Variants in ADAM22 observed in about 807,000 individuals in gnomAD.
ADAM22 encodes disintegrin and metalloproteinase domain-containing protein 22.
In ADAM22, 65 loss-of-function variants were observed where a neutral mutation model predicts 144.6. The observed-to-expected ratio is 0.45, with a 90% CI of 0.37 to 0.55. The LOEUF is 0.55. ADAM22 is among the 20% of genes least tolerant of loss of function. The probability of loss-of-function intolerance (pLI) is 0.00; values close to 1 mark genes in which losing one functional copy is unlikely to be tolerated. For synonymous variants in ADAM22, 391 were observed against 412.6 expected, an observed-to-expected ratio of 0.95 and a Z score of 0.63; for missense variants, 974 against 1,184.9, an observed-to-expected ratio of 0.82 and a Z score of 2.61.
At chr7:88,031,762 A>G (rs1413702648) in intron 3 of ADAM22, among the ~76,000 whole-genome samples, 1 of 152,194 alleles carries the variant, frequency 6.6e-6, no homozygotes, top group Non-Finnish European at 1.5e-5. Flanking sequence ...GAAGGGAAGA[A>G]TGATTTTATG....
chr7:87,943,158 A>G (rs1295767389), intron 2 of ADAM22, among the ~76,000 whole-genome samples: 1 of 148,904 alleles, frequency 6.7e-6, no homozygotes. Flanking sequence ...AATATATAAT[A>G]TATACAAAAT....
chr7:87,980,093 A>G (rs1852943890), intron 3 of ADAM22, among the ~76,000 whole-genome samples: 1 of 152,182 alleles, frequency 6.6e-6, no homozygotes, highest in Admixed American at 6.5e-5. Flanking sequence ...GGAGACACAC[A>G]TATGGTCATA....
chr7:88,148,813 TTAAAA>T (rs1837377298), intron 17 of ADAM22, among the ~76,000 whole-genome samples, 159 bp from the exon 18 acceptor site: 1 of 152,234 alleles, frequency 6.6e-6, no homozygotes, highest in South Asian at 2.1e-4. Context: ...CTTAAAACTA[TTAAAA>T]TAAAATTTTT....
intron 4 of ADAM22, among the ~76,000 whole-genome samples, chr7:88,091,163 G>A (rs1819738085): frequency 6.6e-6 from 1 of 151,996 alleles, no homozygotes; most frequent in Non-Finnish European, 1.5e-5. Flanking sequence ...TCAGTCTTAG[G>A]GGCAAATAAC....
At chr7:87,958,107 A>T (rs540838545) in intron 2 of ADAM22, among the ~76,000 whole-genome samples, 1 of 152,088 alleles carries the variant, frequency 6.6e-6, no homozygotes, top group South Asian at 2.1e-4. Flanking sequence ...TCCCATTAGT[A>T]GTATTTATAG....
chr7:88,114,719 T>TA (rs138682284), intron 6 of ADAM22, 72 bp downstream of exon 6: 70,870 of 1,382,276 alleles, frequency 0.051, 2,470 homozygotes, highest in Admixed American at 0.13. Context: ...CTCCTTTTTT[T>TA]ATCTCTACTT....
chr7:87,956,737 A>G (rs999186507), intron 2 of ADAM22, among the ~76,000 whole-genome samples: 6 of 152,186 alleles, frequency 3.9e-5, no homozygotes, highest in African/African-American at 1.4e-4. Context: ...CACTTATCAT[A>G]ATGTTTTCCA....
chr7:88,124,870 A>G (rs1488162116), intron 7 of ADAM22, among the ~76,000 whole-genome samples: 2 of 152,002 alleles, frequency 1.3e-5, no homozygotes, highest in Non-Finnish European at 2.9e-5. Flanking sequence ...AAATAATGGT[A>G]ATGGTTCACC....
intron 28 of ADAM22, 26 bp from the exon 29 acceptor site, chr7:88,181,932 A>G (rs1337903695): frequency 6.2e-7 from 1 of 1,604,392 alleles, no homozygotes; most frequent in South Asian, 1.1e-5. Context: ...TTACATGGAA[A>G]TCTAGCTCTA....
chr7:88,139,657 A>T (rs1834038017), intron 14 of ADAM22, among the ~76,000 whole-genome samples: 1 of 152,138 alleles, frequency 6.6e-6, no homozygotes, highest in Non-Finnish European at 1.5e-5. Flanking sequence ...ATAACCAAGG[A>T]AGATTAAATG....
At chr7:88,057,239 C>A (rs1279491835) in intron 3 of ADAM22, among the ~76,000 whole-genome samples, 2 of 152,012 alleles carry the variant, frequency 1.3e-5, no homozygotes, top group African/African-American at 4.8e-5. Context: ...GGATTACAGG[C>A]ATGAGCCACC....
chr7:88,122,701 T>TC (rs1829593810), intron 7 of ADAM22, among the ~76,000 whole-genome samples: 1 of 152,158 alleles, frequency 6.6e-6, no homozygotes, highest in Non-Finnish European at 1.5e-5. Context: ...AGTCCCAGGA[T>TC]CCAGTAATGG....
chr7:88,108,239 T>A lies in ADAM22; in HGVS notation c.454T>A (p.Ser152Thr). The A allele has an allele frequency of 6.2e-7, 1 of 1,613,756 alleles. No homozygotes were observed. Among genetic ancestry groups the A allele is most frequent in the Non-Finnish European group, 8.5e-7 (1 of 1,179,822 alleles). Residue 152 changes from serine (S) to threonine (T), a missense_variant, in exon 5 of 32, where the codon TCA becomes ACA. Transcript: ENST00000413139. The part of the protein sequence containing the change: ...RGNPDSFVAL[S>T]TCHGLHGMFY... Reference sequence around the variant, plus strand: ...AAACCCTGACTCATTTGTTGCATTGTCAACATGCCACGGACTTCAGTAAGT... The same window carrying A: ...AAACCCTGACTCATTTGTTGCATTGACAACATGCCACGGACTTCAGTAAGT...
At chr7:88,075,485 A>AGAAG in intron 3 of ADAM22, 141 bp from the exon 4 acceptor site, 1 of 412,488 alleles carries the variant, frequency 2.4e-6, no homozygotes. Context: ...TGTGAGTGTG[A>AGAAG]GAGAGAGAGA....
At chr7:88,024,286 A>G (rs2129467755) in intron 3 of ADAM22, among the ~76,000 whole-genome samples, 1 of 152,260 alleles carries the variant, frequency 6.6e-6, no homozygotes, top group South Asian at 2.1e-4. Context: ...TAGTGGTCAT[A>G]CTAATTTACA....
Position 88,197,125 on chromosome 7 carries a change from A to T in ADAM22, c.*634A>T, listed in dbSNP as rs1850766016. The T allele has an allele frequency of 6.6e-6, 1 of 152,270 alleles. No homozygotes were observed. The highest frequency in any genetic ancestry group is 2.4e-5 in the African/African-American group (1 of 41,460). 9.4% of individuals were successfully genotyped at this position (152,270 alleles called of 1,614,324 possible). On this transcript the variant is annotated 3_prime_UTR_variant, in exon 32 of 32. Coordinates refer to ENST00000413139, the MANE Select transcript of ADAM22 (RefSeq NM_001324418.2). ...ACAATTGTATATATGTAACATTTTT[A>T]AAATTTTAAAAAAATGCAGCTGTTA...
chr7:88,130,951 A>T (rs1831620551), intron 10 of ADAM22, among the ~76,000 whole-genome samples: 1 of 152,034 alleles, frequency 6.6e-6, no homozygotes, highest in Non-Finnish European at 1.5e-5. Context: ...TCATTGCTCC[A>T]TTTTTGGCTA....
intron 3 of ADAM22, among the ~76,000 whole-genome samples, chr7:87,989,959 G>A (rs1327512065): frequency 6.6e-6 from 1 of 151,986 alleles, no homozygotes; most frequent in East Asian, 1.9e-4. Context: ...CCAATTCAGT[G>A]TATTATTGCT....
intron 3 of ADAM22, among the ~76,000 whole-genome samples, chr7:87,987,149 TA>T (rs1409038546): frequency 7.9e-5 from 12 of 152,204 alleles, no homozygotes; most frequent in African/African-American, 2.9e-4. Context: ...AGCTCACTGC[TA>T]TTTTTCTCCC....
Sources: allele counts gnomAD v4.1 joint callset (sites outside exome capture counted in the v4.1 genomes callset), GRCh38; gene constraint gnomAD v4.1.1; transcripts MANE v1.5; gene names NCBI Gene and HGNC (gene_info 2026-07-23, HGNC 2026-07-21).